Variants in LGSN observed in about 807,000 individuals in gnomAD.
LGSN encodes lengsin.
A neutral mutation model predicts 19.5 loss-of-function variants in LGSN; 21 were observed. That is an observed-to-expected ratio of 1.07 (90% CI 0.76 to 1.55). LGSN has a LOEUF of 1.55. Among genes scored for constraint, LGSN ranks in the 40% most tolerant of loss-of-function variants. The pLI is 0.00. For synonymous variants in LGSN, 257 were observed against 215.6 expected (o/e 1.19, Z -1.68); for missense variants, 673 against 608.5 (o/e 1.11, Z -1.12).
chr6:63,429,947 A>G, the LGSN span, among the ~76,000 whole-genome samples: 1 of 152,152 alleles, frequency 6.6e-6, no homozygotes, highest in African/African-American at 2.4e-5. Flanking sequence ...AAGGAGGAAT[A>G]AAGGGAACTG....
the LGSN span, among the ~76,000 whole-genome samples, chr6:63,541,423 G>T: frequency 6.6e-6 from 1 of 151,942 alleles, no homozygotes; most frequent in Non-Finnish European, 1.5e-5. Context: ...CATAGTGGCA[G>T]GTGCCTATAA....
chr6:63,376,940 GA>G, the LGSN span, among the ~76,000 whole-genome samples: 15 of 152,186 alleles, frequency 9.9e-5, no homozygotes, highest in East Asian at 2.9e-3. Flanking sequence ...CAGAACAAAA[GA>G]AAAATATAGT....
At chr6:63,454,217 GT>G in the LGSN span, among the ~76,000 whole-genome samples, 6,960 of 152,036 alleles carry the variant, frequency 0.046, 544 homozygotes, top group African/African-American at 0.16. Flanking sequence ...TCCTGTCACC[GT>G]TATGGGACCA....
chr6:63,468,419 C>T, the LGSN span, among the ~76,000 whole-genome samples: 1 of 151,918 alleles, frequency 6.6e-6, no homozygotes, highest in Non-Finnish European at 1.5e-5. Context: ...TGAGCCACTG[C>T]GCCCAGCCTA....
the LGSN span, among the ~76,000 whole-genome samples, chr6:63,366,848 C>T: frequency 1.3e-5 from 2 of 151,004 alleles, no homozygotes; most frequent in African/African-American, 4.9e-5. Flanking sequence ...GAAAGGATTC[C>T]CTATTTAATA....
chr6:63,280,026 TA>T lies in LGSN; in HGVS notation c.1524del (p.Phe508LeufsTer14), dbSNP rs1254131329. 6.3e-7 allele frequency: 1 copy of T among 1,596,782 alleles called. No homozygotes were observed. The highest frequency in any genetic ancestry group is 2.2e-5 in the East Asian group (1 of 44,792). ...AAERNKFLEY[F>X]I Reference sequence around the variant, plus strand: ...GAGTAGTTGTGAGCTCTATTCTAAATAAAATACTCTAAGAATTTATTTCTCT... The same window carrying T: ...GAGTAGTTGTGAGCTCTATTCTAAATAAATACTCTAAGAATTTATTTCTCT... On this transcript the variant is annotated frameshift_variant, in exon 4 of 4. Coordinates refer to ENST00000370657, the MANE Select transcript of LGSN (RefSeq NM_016571.3). LOFTEE classifies it high-confidence loss of function.
chr6:63,444,689 C>T, the LGSN span, among the ~76,000 whole-genome samples: 2 of 152,132 alleles, frequency 1.3e-5, no homozygotes, highest in Non-Finnish European at 2.9e-5. Context: ...AACATTCCAC[C>T]GTTAACATAT....
the LGSN span, chr6:63,441,276 C>A: frequency 5.0e-6 from 2 of 403,102 alleles, no homozygotes; most frequent in Admixed American, 5.8e-5. Flanking sequence ...GAAGCTAGAC[C>A]TTAGAAAGAA....
chr6:63,293,773 G>C (rs1001521692), intron 2 of LGSN: 9 of 456,584 alleles, frequency 2.0e-5, no homozygotes, highest in African/African-American at 1.8e-4. Flanking sequence ...TCATATGACA[G>C]ATGAGACTCA....
chr6:63,546,728 A>T, the LGSN span, among the ~76,000 whole-genome samples: 11,639 of 152,082 alleles, frequency 0.077, 491 homozygotes, highest in East Asian at 0.16. Context: ...ATAGAGTACA[A>T]GCTTTCAGTT....
chr6:63,463,846 C>G, the LGSN span, among the ~76,000 whole-genome samples: 1 of 152,132 alleles, frequency 6.6e-6, no homozygotes, highest in South Asian at 2.1e-4. Context: ...AATACTTGAA[C>G]AAACCTGATG....
chr6:63,387,731 A>T, the LGSN span, among the ~76,000 whole-genome samples: 1 of 151,772 alleles, frequency 6.6e-6, no homozygotes. Context: ...CCAGGGTCCC[A>T]CTGCAGTGGC....
chr6:63,466,988 C>T, the LGSN span, among the ~76,000 whole-genome samples: 1 of 151,828 alleles, frequency 6.6e-6, no homozygotes, highest in East Asian at 1.9e-4. Context: ...TATATAAAAC[C>T]AGTGTTTAAA....
chr6:63,433,823 C>G, the LGSN span, among the ~76,000 whole-genome samples: 1 of 152,142 alleles, frequency 6.6e-6, no homozygotes, highest in East Asian at 1.9e-4. Flanking sequence ...TACTTTAAGA[C>G]AAAATTGTCT....
chr6:63,559,215 C>T, the LGSN span, among the ~76,000 whole-genome samples: 1 of 152,140 alleles, frequency 6.6e-6, no homozygotes, highest in African/African-American at 2.4e-5. Flanking sequence ...ATAAATACTC[C>T]CTTGTAACAA....
the LGSN span, among the ~76,000 whole-genome samples, chr6:63,503,044 ATT>A: frequency 6.6e-6 from 1 of 152,074 alleles, no homozygotes; most frequent in African/African-American, 2.4e-5. Context: ...ATATTTTCTA[ATT>A]TTTTTGTTCA....
the LGSN span, among the ~76,000 whole-genome samples, chr6:63,379,025 C>G: frequency 1.3e-5 from 2 of 152,158 alleles, no homozygotes; most frequent in Non-Finnish European, 2.9e-5. Context: ...CTTCTCCTCA[C>G]CTCTAAGTGG....
chr6:63,478,953 C>T, the LGSN span, among the ~76,000 whole-genome samples: 1 of 152,158 alleles, frequency 6.6e-6, no homozygotes, highest in African/African-American at 2.4e-5. Context: ...TCCAAGCTTA[C>T]AGAGACGTAT....
At chr6:63,462,738 C>T in the LGSN span, among the ~76,000 whole-genome samples, 2 of 152,156 alleles carry the variant, frequency 1.3e-5, no homozygotes, top group Non-Finnish European at 2.9e-5. Flanking sequence ...ACCTCTACAG[C>T]GTACTTGCCA....
Sources: gnomAD v4.1 joint callset for allele counts (sites outside exome capture counted in the v4.1 genomes callset) on GRCh38, gnomAD v4.1.1 for gene constraint, MANE v1.5 for transcripts, NCBI Gene and HGNC (gene_info 2026-07-23, HGNC 2026-07-21) for gene names.